The following KDM4C variants were observed in gnomAD, a reference collection of about 807,000 sequenced individuals.
The protein encoded by KDM4C is lysine-specific demethylase 4C.
KDM4C carries 81 observed loss-of-function variants against 129.3 expected under a neutral mutation model. That is an observed-to-expected ratio of 0.63 (90% CI 0.52 to 0.75). KDM4C has a LOEUF of 0.75. Ranked by LOEUF, KDM4C falls within the 30% of genes least tolerant of loss-of-function variation. KDM4C has a pLI of 0.00. For missense variants in KDM4C, 1,457 were observed against 1,304.0 expected, an observed-to-expected ratio of 1.12 and a Z score of -1.81; for synonymous variants, 573 against 456.1, an observed-to-expected ratio of 1.26 and a Z score of -3.26.
intron 17 of KDM4C, among the ~76,000 whole-genome samples, chr9:7,065,290 A>G (rs1832269873): frequency 6.6e-6 from 1 of 152,144 alleles, no homozygotes; most frequent in Non-Finnish European, 1.5e-5. Context: ...GGAATATAAA[A>G]TATATTCCAT....
intron 8 of KDM4C, among the ~76,000 whole-genome samples, chr9:6,940,010 CTTCCTTCCTTCCTTCCTTCCTTCT>C (rs1324089439): frequency 0.011 from 1,388 of 131,738 alleles, 30 homozygotes; most frequent in African/African-American, 0.036. Flanking sequence ...TCCTTCCTTC[CTTCCTTCCTTCCTTCCTTCCTTCT>C]TTCCTTCCTT....
At chr9:6,919,471 T>A (rs938269984) in intron 8 of KDM4C, among the ~76,000 whole-genome samples, 2 of 151,770 alleles carry the variant, frequency 1.3e-5, no homozygotes, top group African/African-American at 4.9e-5. Context: ...CTTTTCTTTG[T>A]TTTTCTATTT....
intron 19 of KDM4C, among the ~76,000 whole-genome samples, chr9:7,128,942 G>C (rs1338722073): frequency 6.6e-6 from 1 of 152,164 alleles, no homozygotes; most frequent in Non-Finnish European, 1.5e-5. Context: ...TTTTAGAAGG[G>C]TGTTTTCACA....
At chr9:6,908,685 G>A (rs1425172166) in intron 8 of KDM4C, among the ~76,000 whole-genome samples, 1 of 151,736 alleles carries the variant, frequency 6.6e-6, no homozygotes, top group African/African-American at 2.4e-5. Context: ...GAGGTGGGGG[G>A]TGGGGAGGTA....
Position 6,799,289 on chromosome 9 carries a change from T to G in KDM4C, c.144+6157T>G, listed in dbSNP as rs34830026. Among the ~76,000 whole-genome samples, 1,358 of 152,220 alleles carry G rather than the reference T, an allele frequency of 8.9e-3. 13 individuals are homozygous for G. The highest frequency in any genetic ancestry group is 0.027 in the African/African-American group (1,123 of 41,558). On this transcript the variant is annotated intron_variant, in intron 2 of 21. Coordinates refer to ENST00000381309, the MANE Select transcript of KDM4C (RefSeq NM_015061.6). ...GCCTGGGCACCATTGAGCACTGAGT[T>G]AAGGAGACTCTGTCTGCAATCCCGG...
At chr9:7,144,346 G>A (rs937035057) in intron 19 of KDM4C, among the ~76,000 whole-genome samples, 21 of 152,146 alleles carry the variant, frequency 1.4e-4, no homozygotes, top group African/African-American at 1.7e-4. Context: ...TTGGTTGGTC[G>A]TCACCTGGCT....
chr9:6,859,181 G>A (rs1367737188), intron 5 of KDM4C, among the ~76,000 whole-genome samples: 1 of 152,094 alleles, frequency 6.6e-6, no homozygotes, highest in Non-Finnish European at 1.5e-5. Context: ...ATCACTGTTA[G>A]AAATCATCTC....
At chr9:7,170,890 A>G (rs1257105025) in intron 21 of KDM4C, 1 of 329,146 alleles carries the variant, frequency 3.0e-6, no homozygotes, top group Non-Finnish European at 4.3e-6. Flanking sequence ...CCTCACATAA[A>G]CTACACTAAC....
chr9:6,823,771 C>T (rs1257717616), intron 4 of KDM4C, among the ~76,000 whole-genome samples: 2 of 152,192 alleles, frequency 1.3e-5, no homozygotes, highest in East Asian at 3.8e-4. Flanking sequence ...TCTTCAGGAG[C>T]AACTCTGCTA....
chr9:6,734,250 A>T (rs1418279877), intron 1 of KDM4C, among the ~76,000 whole-genome samples: 2 of 148,724 alleles, frequency 1.3e-5, no homozygotes, highest in Non-Finnish European at 3.0e-5. Flanking sequence ...AGTGATCAGG[A>T]TGAAAAAGGA....
chr9:7,174,417 G>C, intron 21 of KDM4C, 136 bp from the exon 22 acceptor site: 1 of 727,494 alleles, frequency 1.4e-6, no homozygotes, highest in South Asian at 1.9e-5. Context: ...CCAAAGCCAT[G>C]CCTGGGGCCC....
intron 17 of KDM4C, among the ~76,000 whole-genome samples, chr9:7,082,168 TG>T (rs1275468318): frequency 1.7e-5 from 1 of 58,876 alleles, no homozygotes; most frequent in Non-Finnish European, 5.0e-5. Flanking sequence ...ACATGGGGCC[TG>T]AGTTTATACT....
chr9:7,003,959 T>G (rs1318487327), intron 12 of KDM4C, among the ~76,000 whole-genome samples: 1 of 152,122 alleles, frequency 6.6e-6, no homozygotes, highest in Non-Finnish European at 1.5e-5. Flanking sequence ...TATAAATGCC[T>G]CCCAGGACTG....
chr9:6,725,848 T>A (rs1032389383), intron 1 of KDM4C, among the ~76,000 whole-genome samples: 1 of 151,238 alleles, frequency 6.6e-6, no homozygotes, highest in African/African-American at 2.4e-5. Flanking sequence ...TAGCTGGGAT[T>A]ACAGGCAACT....
chr9:7,028,282 AAGGGCTGTTTAGTCAGCAGATG>A (rs1443530831), intron 15 of KDM4C, among the ~76,000 whole-genome samples: 1 of 151,862 alleles, frequency 6.6e-6, no homozygotes, highest in Non-Finnish European at 1.5e-5. Flanking sequence ...TTCAGGGCTC[AAGGGCTGTTTAGTCAGCAGATG>A]ATGGGTCTTG....
At chr9:7,055,791 G>A (rs926536664) in intron 17 of KDM4C, among the ~76,000 whole-genome samples, 1 of 152,160 alleles carries the variant, frequency 6.6e-6, no homozygotes, top group Admixed American at 6.5e-5. Flanking sequence ...TAGAGATAGG[G>A]TCTGCCTCTT....
At chr9:6,760,657 G>A (rs1034986785) in intron 1 of KDM4C, among the ~76,000 whole-genome samples, 38 of 151,722 alleles carry the variant, frequency 2.5e-4, no homozygotes, top group Admixed American at 5.3e-4. Flanking sequence ...TGCAAGCTCC[G>A]CCTCCTGGGT....
chr9:6,966,339 C>A (rs930761403), intron 8 of KDM4C, among the ~76,000 whole-genome samples: 1 of 152,316 alleles, frequency 6.6e-6, no homozygotes, highest in South Asian at 2.1e-4. Context: ...CCCGCCACTG[C>A]GCCCAGCTAA....
intron 15 of KDM4C, among the ~76,000 whole-genome samples, chr9:7,035,818 C>T (rs1827552473): frequency 6.6e-6 from 1 of 152,008 alleles, no homozygotes; most frequent in Non-Finnish European, 1.5e-5. Context: ...AATTTCTGGG[C>T]TCTCTATTCT....
Sources: allele counts gnomAD v4.1 joint callset (sites outside exome capture counted in the v4.1 genomes callset), GRCh38; gene constraint gnomAD v4.1.1; transcripts MANE v1.5; gene names NCBI Gene and HGNC (gene_info 2026-07-23, HGNC 2026-07-21).